The following ZBED3 variants were observed in gnomAD, a reference collection of about 807,000 sequenced individuals.
ZBED3 encodes the protein zinc finger BED domain-containing protein 3.
For synonymous variants in ZBED3, 175 were observed against 180.0 expected (o/e 0.97, Z 0.22); for missense variants, 388 against 362.9 (o/e 1.07, Z -0.56).
rs1742948101 is a variant in ZBED3, at chr5:77,074,973, A to ATGTT, written c.*2197_*2200dup. On this transcript the variant is annotated 3_prime_UTR_variant, in exon 3 of 3. Transcript: ENST00000255198. ...CTGATACATTGTTAGTGCCCAGTAA[A>ATGTT]TGTTAGTTATCAGGTGAGGGGTGGG... 6.6e-6 allele frequency: 1 copy of ATGTT among 152,142 alleles called. No homozygotes were observed. Among genetic ancestry groups the ATGTT allele is most frequent in the Admixed American group, 6.5e-5 (1 of 15,278 alleles). The allele number at this position is 152,142 out of a possible 1,614,324, so 9.4% of individuals were successfully genotyped here.
Position 77,077,682 on chromosome 5 carries a change from C to G in ZBED3, c.197G>C (p.Trp66Ser). The G allele has an allele frequency of 7.3e-7, 1 of 1,370,482 alleles. No homozygotes were observed. The highest frequency in any genetic ancestry group is 9.4e-7 in the Non-Finnish European group (1 of 1,066,950). 84.9% of individuals were successfully genotyped at this position (1,370,482 alleles called of 1,614,324 possible). ...CTCCCCGCACAGACGGCAGGTGGCC[C>G]AGTGGCCCGACGGATGCCCGGGGCG... ...PGRPGHPSGH[W>S]ATCRLCGEQV... The change falls in exon 3 of 3, where the codon TGG becomes TCG. Residue 66 changes from tryptophan (W) to serine (S), a missense_variant. Trp to Ser is a radical substitution (Grantham distance 177). Transcript: ENST00000255198.
chr5:77,076,021 GTA>G lies in ZBED3; in HGVS notation c.*1151_*1152del, dbSNP rs1178316380. 34 of 39,450 alleles carry G rather than the reference GTA, an allele frequency of 8.6e-4. 3 individuals carry two copies. The highest frequency in any genetic ancestry group is 1.2e-3 in the Non-Finnish European group (22 of 17,756). 2.4% of individuals were successfully genotyped at this position (39,450 alleles called of 1,614,324 possible). On this transcript the variant is annotated 3_prime_UTR_variant, in exon 3 of 3. Coordinates refer to ENST00000255198, the MANE Select transcript of ZBED3 (RefSeq NM_032367.4). ...TATATGTATATATATATGTATATAT[GTA>G]TATATATATGTATATATGTATATAT...
rs1433579503 is a variant in ZBED3 at position 77,073,275 on chromosome 5, T to C, written c.*3899A>G. The C allele has an allele frequency of 1.3e-5, 2 of 152,190 alleles. No individual in the cohort carries two copies. Among genetic ancestry groups the C allele is most frequent in the East Asian group, 1.9e-4 (1 of 5,204 alleles). 9.4% of individuals were successfully genotyped at this position (152,190 alleles called of 1,614,324 possible). ...AGGGAGTAGTTAAGATTCTAAATCC[T>C]TTCCTATGTTTTAATGGTTCTTACA... On this transcript the variant is annotated 3_prime_UTR_variant, in exon 3 of 3. Coordinates refer to ENST00000255198, the MANE Select transcript of ZBED3 (RefSeq NM_032367.4).
intron 1 of ZBED3, among the ~76,000 whole-genome samples, chr5:77,085,123 A>G (rs1300540817): frequency 6.6e-6 from 1 of 152,226 alleles, no homozygotes; most frequent in East Asian, 1.9e-4. Flanking sequence ...ATTCACATTA[A>G]TTATCTCTCC....
At chr5:77,081,643 A>G (rs967793219) in intron 1 of ZBED3, among the ~76,000 whole-genome samples, 1 of 152,052 alleles carries the variant, frequency 6.6e-6, no homozygotes, top group African/African-American at 2.4e-5. Flanking sequence ...AGCATACCCA[A>G]TGAGAATGCA....
chr5:77,080,009 T>C (rs937810567), intron 1 of ZBED3, among the ~76,000 whole-genome samples: 11 of 152,220 alleles, frequency 7.2e-5, no homozygotes, highest in African/African-American at 2.7e-4. Context: ...TCCTTTTTTA[T>C]TACTGGACAA....
intron 1 of ZBED3, among the ~76,000 whole-genome samples, chr5:77,082,767 T>C (rs1429671278): frequency 6.6e-6 from 1 of 152,194 alleles, no homozygotes; most frequent in East Asian, 1.9e-4. Flanking sequence ...AAAGCATGCA[T>C]GTGATCACGT....
chr5:77,085,826 T>C (rs1743226743), intron 1 of ZBED3, among the ~76,000 whole-genome samples: 1 of 152,148 alleles, frequency 6.6e-6, no homozygotes, highest in Non-Finnish European at 1.5e-5. Flanking sequence ...TTAGCTGAAG[T>C]TAAAAGACAA....
chr5:77,080,443 G>A (rs1743105347), intron 1 of ZBED3: 3 of 487,164 alleles, frequency 6.2e-6, no homozygotes, highest in Non-Finnish European at 1.2e-5. Flanking sequence ...ACAAATGTCG[G>A]CCAGCACAGC....
rs1281447555 is a variant in ZBED3, at chr5:77,072,380, A to G, written c.*4794T>C. 1 of 152,202 alleles carries G rather than the reference A, an allele frequency of 6.6e-6. No individual in the cohort carries two copies. The highest frequency in any genetic ancestry group is 2.4e-5 in the African/African-American group (1 of 41,444). The allele number at this position is 152,202 out of a possible 1,614,324, so 9.4% of individuals were successfully genotyped here. ...ATGTTAATCTGGTTAATCATCTACC[A>G]TATTCACCAGACTGAATAATTGGCA... On this transcript the variant is annotated 3_prime_UTR_variant, in exon 3 of 3. Transcript: ENST00000255198.
intron 1 of ZBED3, chr5:77,086,810 G>A (rs1466370339): frequency 6.6e-6 from 1 of 152,294 alleles, no homozygotes; most frequent in African/African-American, 2.4e-5. Context: ...TTTAATAAAG[G>A]GAGAGCAGGA....
chr5:77,078,277 G>T (rs1194148729), intron 2 of ZBED3, among the ~76,000 whole-genome samples: 1 of 152,128 alleles, frequency 6.6e-6, no homozygotes, highest in Non-Finnish European at 1.5e-5. Context: ...CAATAAAAAA[G>T]GTACTGTCTT....
chr5:77,083,323 C>T (rs1743170020), intron 1 of ZBED3, among the ~76,000 whole-genome samples: 2 of 152,156 alleles, frequency 1.3e-5, no homozygotes, highest in South Asian at 4.1e-4. Flanking sequence ...ACGTGGTTTG[C>T]TGTGCTCTGC....
At chr5:77,083,685 C>A (rs1453372829) in intron 1 of ZBED3, among the ~76,000 whole-genome samples, 1 of 152,090 alleles carries the variant, frequency 6.6e-6, no homozygotes, top group Non-Finnish European at 1.5e-5. Flanking sequence ...GTTGTTTTTC[C>A]ATCTGACATT....
intron 1 of ZBED3, among the ~76,000 whole-genome samples, chr5:77,086,382 G>C (rs990799899): frequency 3.3e-5 from 5 of 151,888 alleles, no homozygotes; most frequent in Non-Finnish European, 7.4e-5. Context: ...AAAGGTGTCA[G>C]CATATGAATA....
chr5:77,075,938 TATATACATATATA>T lies in ZBED3; in HGVS notation c.*1223_*1235del, dbSNP rs1561296237. ...ATGCACCCTAGAACTTAAAGTATTA[TATATACATATATA>T]TATATATATATATATGTATATGTAT... is the stretch of plus-strand genomic sequence containing the variant. On this transcript the variant is annotated 3_prime_UTR_variant, in exon 3 of 3. Transcript: ENST00000255198. 34 of 13,038 alleles carry T rather than the reference TATATACATATATA, an allele frequency of 2.6e-3. 8 individuals carry two copies. The highest frequency in any genetic ancestry group is 0.01 in the African/African-American group (32 of 3,196). The allele number at this position is 13,038 out of a possible 1,614,324, so 0.8% of individuals were successfully genotyped here. A position where few individuals can be genotyped will look rare whatever the true frequency, so the allele number is the denominator to read the frequency against.
At chr5:77,081,557 G>A (rs1205914986) in intron 1 of ZBED3, among the ~76,000 whole-genome samples, 4 of 151,808 alleles carry the variant, frequency 2.6e-5, no homozygotes, top group African/African-American at 9.7e-5. Context: ...TGTTGCCCAG[G>A]CTGGTCTTCC....
In ZBED3 at chr5:77,077,416, G is replaced by GC; in HGVS notation, c.462dup (p.Leu155AlafsTer49). The stretch of plus-strand genomic sequence containing the variant: ...GCGCGCTCGCCCTGCTCCACGGCCA[G>GC]CTCGCGCCGCTCCAGCTCCCGCTCC... On this transcript the variant is annotated frameshift_variant, in exon 3 of 3. Coordinates refer to ENST00000255198, the MANE Select transcript of ZBED3 (RefSeq NM_032367.4). LOFTEE classifies it low-confidence loss of function (END_TRUNC). The GC allele has an allele frequency of 1.6e-6, 2 of 1,232,456 alleles. No individual in the cohort carries two copies. The highest frequency in any genetic ancestry group is 1.0e-6 in the Non-Finnish European group (1 of 985,658). The allele number at this position is 1,232,456 out of a possible 1,614,324, so 76.3% of individuals were successfully genotyped here.
chr5:77,076,248 A>G lies in ZBED3; in HGVS notation c.*926T>C, dbSNP rs964851607. 2 of 151,288 alleles carry G rather than the reference A, an allele frequency of 1.3e-5. No homozygotes were observed. Among genetic ancestry groups the G allele is most frequent in the African/African-American group, 4.9e-5 (2 of 41,064 alleles). 9.4% of individuals were successfully genotyped at this position (151,288 alleles called of 1,614,324 possible). On this transcript the variant is annotated 3_prime_UTR_variant, in exon 3 of 3. Coordinates refer to ENST00000255198, the MANE Select transcript of ZBED3 (RefSeq NM_032367.4). ...GAAAGGGAGGGACTGAGACAGCGAAAGGGGGAATACTACAGGAGGAAAGAC... is the reference window on the plus strand; with the variant it reads ...GAAAGGGAGGGACTGAGACAGCGAAGGGGGGAATACTACAGGAGGAAAGAC...
Sources: allele counts gnomAD v4.1 joint callset (sites outside exome capture counted in the v4.1 genomes callset), GRCh38; gene constraint gnomAD v4.1.1; transcripts MANE v1.5; gene names NCBI Gene and HGNC (gene_info 2026-07-23, HGNC 2026-07-21).